Variants in KREMEN1 observed in about 807,000 individuals in gnomAD.
KREMEN1 encodes the protein kringle containing transmembrane protein 1, also known as kremen protein 1.
Under a neutral mutation model 46.5 loss-of-function variants are expected in KREMEN1, and 30 were observed. The ratio of observed to expected loss-of-function variants is 0.65; its 90% CI spans 0.48 to 0.88. KREMEN1 has a LOEUF of 0.88. Among genes scored for constraint, KREMEN1 ranks in the 40% least tolerant of loss-of-function variants. The pLI is 0.00. For synonymous variants in KREMEN1, 214 were observed against 230.6 expected (o/e 0.93, Z 0.65); for missense variants, 533 against 596.9 (o/e 0.89, Z 1.11).
intron 5 of KREMEN1, among the ~76,000 whole-genome samples, chr22:29,131,560 A>ATATATGTGTGTG (rs1240832937): frequency 5.0e-4 from 35 of 69,880 alleles, no homozygotes; most frequent in Non-Finnish European, 6.5e-4. Context: ...ATATATATAT[A>ATATATGTGTGTG]TGTGTGTGTG....
intron 3 of KREMEN1, among the ~76,000 whole-genome samples, chr22:29,109,476 A>C (rs979581891): frequency 6.6e-6 from 1 of 152,198 alleles, no homozygotes; most frequent in African/African-American, 2.4e-5. Flanking sequence ...TGAAGACAAG[A>C]GGACTCAGTA....
At chr22:29,147,539 T>C (rs2038881115), downstream of KREMEN1, among the ~76,000 whole-genome samples, 1 of 152,170 alleles carries the variant, frequency 6.6e-6, no homozygotes, top group Non-Finnish European at 1.5e-5. Flanking sequence ...GGATTCAGTT[T>C]CCTCCATTCA....
chr22:29,099,730 A>T (rs913425587), intron 3 of KREMEN1, among the ~76,000 whole-genome samples: 1 of 151,772 alleles, frequency 6.6e-6, no homozygotes, highest in African/African-American at 2.4e-5. Context: ...TTTGTGTTTT[A>T]GTAGAAATGG....
intron 7 of KREMEN1, among the ~76,000 whole-genome samples, chr22:29,139,080 C>T (rs1349575778): frequency 6.6e-6 from 1 of 152,154 alleles, no homozygotes; most frequent in African/African-American, 2.4e-5. Context: ...TTCTAGAGCC[C>T]CACATGGAAA....
chr22:29,121,102 T>TG (rs1273875898), intron 3 of KREMEN1, among the ~76,000 whole-genome samples: 1 of 151,912 alleles, frequency 6.6e-6, no homozygotes, highest in Non-Finnish European at 1.5e-5. Flanking sequence ...TAAACAGTTT[T>TG]TTTTTTTTTT....
chr22:29,151,028 A>T, downstream of KREMEN1, among the ~76,000 whole-genome samples: 1 of 152,194 alleles, frequency 6.6e-6, no homozygotes, highest in Non-Finnish European at 1.5e-5. Context: ...CTTCAAGGAT[A>T]TGGCCTCCGG....
intron 9 of KREMEN1, among the ~76,000 whole-genome samples, chr22:29,160,572 A>G (rs2039002850): frequency 6.6e-6 from 1 of 151,064 alleles, no homozygotes; most frequent in South Asian, 2.1e-4. Context: ...AATTAAGAAG[A>G]TCTCTCAAAA....
At position 29,142,125 on chromosome 22, in the gene KREMEN1, G is replaced by A. The variant is rs780161903; in HGVS notation, c.*13G>A. ...TGTGAGTGACTAAAAACCCCACTGTGCCTAGGACTTGAGGTCCCTCTTTGA... is the reference window on the plus strand; with the variant it reads ...TGTGAGTGACTAAAAACCCCACTGTACCTAGGACTTGAGGTCCCTCTTTGA... On this transcript the variant is annotated 3_prime_UTR_variant, in exon 9 of 9. Coordinates refer to ENST00000400335, the MANE Select transcript of KREMEN1 (RefSeq NM_001039570.3). 1 of 1,567,702 alleles carries A rather than the reference G, an allele frequency of 6.4e-7. No homozygotes were observed. The highest frequency in any genetic ancestry group is 8.6e-7 in the Non-Finnish European group (1 of 1,157,646).
intron 9 of KREMEN1, among the ~76,000 whole-genome samples, chr22:29,152,587 CAG>C (rs1156586305): frequency 6.6e-6 from 1 of 152,196 alleles, no homozygotes; most frequent in African/African-American, 2.4e-5. Context: ...TAGCGGGAGA[CAG>C]AATCTGCTCA....
intron 1 of KREMEN1, among the ~76,000 whole-genome samples, chr22:29,075,924 ATCC>A (rs2037563155): frequency 6.6e-6 from 1 of 152,154 alleles, no homozygotes; most frequent in African/African-American, 2.4e-5. Flanking sequence ...TTCCCCATCA[ATCC>A]TACTTCTAAT....
intron 5 of KREMEN1, among the ~76,000 whole-genome samples, chr22:29,134,966 G>A (rs540930966): frequency 4.1e-4 from 62 of 152,244 alleles, no homozygotes; most frequent in African/African-American, 1.5e-3. Context: ...TGAGGTCATG[G>A]AGGTGGTTCT....
At chr22:29,110,527 C>T (rs991904176) in intron 3 of KREMEN1, among the ~76,000 whole-genome samples, 1 of 152,176 alleles carries the variant, frequency 6.6e-6, no homozygotes, top group African/African-American at 2.4e-5. Flanking sequence ...GAACTCCCAC[C>T]AGGAGGGAAC....
At chr22:29,129,542 TAC>T (rs1254614712) in intron 5 of KREMEN1, among the ~76,000 whole-genome samples, 1 of 152,144 alleles carries the variant, frequency 6.6e-6, no homozygotes, top group Non-Finnish European at 1.5e-5. Flanking sequence ...ACGACCAGGT[TAC>T]AGTCTGTCTC....
At chr22:29,161,120 A>T (rs1000528102) in intron 9 of KREMEN1, among the ~76,000 whole-genome samples, 1 of 152,216 alleles carries the variant, frequency 6.6e-6, no homozygotes. Context: ...GAAAATCTAG[A>T]GGCAATAGAT....
chr22:29,127,354 C>A (rs1225346405), intron 5 of KREMEN1, among the ~76,000 whole-genome samples: 2 of 152,020 alleles, frequency 1.3e-5, no homozygotes, highest in African/African-American at 4.8e-5. Context: ...AATGCAGTGT[C>A]AATTAAAAAA....
At chr22:29,126,677 G>A (rs1194485059) in intron 5 of KREMEN1, among the ~76,000 whole-genome samples, 1 of 152,120 alleles carries the variant, frequency 6.6e-6, no homozygotes, top group Non-Finnish European at 1.5e-5. Context: ...CTATATATAT[G>A]GTGACTATAA....
At chr22:29,156,567 GCTCTCCGCACAGGAC>G (rs1378986938) in intron 9 of KREMEN1, among the ~76,000 whole-genome samples, 30 of 31,398 alleles carry the variant, frequency 9.6e-4, no homozygotes, top group African/African-American at 3.0e-3. Context: ...GCACAGGAAT[GCTCTCCGCACAGGAC>G]GCTGGCTGCC....
intron 3 of KREMEN1, among the ~76,000 whole-genome samples, chr22:29,110,514 A>G (rs2038130979): frequency 6.6e-6 from 1 of 152,202 alleles, no homozygotes; most frequent in Non-Finnish European, 1.5e-5. Flanking sequence ...AGTTTCAGAG[A>G]AGGAACTCCC....
chr22:29,146,295 G>A lies in KREMEN1; in HGVS notation c.*4183G>A. On this transcript the variant is annotated 3_prime_UTR_variant, in exon 9 of 9. Transcript: ENST00000400335. ...TGTGGGGTGTTTTTCAAGCCTTCCA[G>A]CCACAGCTGTCTCCCCTCAGGCTGG... The A allele has an allele frequency of 1.0e-6, 1 of 985,942 alleles. No individual in the cohort carries two copies. The highest frequency in any genetic ancestry group is 1.2e-6 in the Non-Finnish European group (1 of 829,996). 61.1% of individuals were successfully genotyped at this position (985,942 alleles called of 1,614,324 possible). A position where few individuals can be genotyped will look rare whatever the true frequency, so the allele number is the denominator to read the frequency against.
Sources: allele counts gnomAD v4.1 joint callset (sites outside exome capture counted in the v4.1 genomes callset), GRCh38; gene constraint gnomAD v4.1.1; transcripts MANE v1.5; gene names NCBI Gene and HGNC (gene_info 2026-07-23, HGNC 2026-07-21).